HHAT: variants seen among roughly 807,000 people sequenced by gnomAD.
HHAT encodes the protein hedgehog acyltransferase.
In HHAT, 47 loss-of-function variants were observed where a neutral mutation model predicts 70.8. The observed-to-expected ratio is 0.66, with a 90% CI of 0.53 to 0.85. The LOEUF is 0.85. HHAT is among the 40% of genes least tolerant of loss of function. The pLI, the probability that HHAT is intolerant of heterozygous loss-of-function variation, is 0.00. For synonymous variants in HHAT, 228 were observed against 247.6 expected, an observed-to-expected ratio of 0.92 and a Z score of 0.74; for missense variants, 609 against 604.8, an observed-to-expected ratio of 1.01 and a Z score of -0.07.
chr1:210,394,929 G>A (rs1403089898), intron 4 of HHAT, among the ~76,000 whole-genome samples: 3 of 152,092 alleles, frequency 2.0e-5, no homozygotes, highest in South Asian at 2.1e-4. Context: ...CCAGGAAATG[G>A]GATGCAGTTG....
intron 3 of HHAT, among the ~76,000 whole-genome samples, chr1:210,379,526 C>T (rs1456683284): frequency 6.6e-6 from 1 of 152,204 alleles, no homozygotes; most frequent in Non-Finnish European, 1.5e-5. Context: ...TTTTTGTTAA[C>T]CGTGGGCTCA....
rs1041268226 is a variant in HHAT, at chr1:210,675,955, C to G, written c.*1576C>G. 1 of 152,060 alleles carries G rather than the reference C, an allele frequency of 6.6e-6. No homozygotes were observed. Among genetic ancestry groups the G allele is most frequent in the East Asian group, 1.9e-4 (1 of 5,188 alleles). 9.4% of individuals were successfully genotyped at this position (152,060 alleles called of 1,614,324 possible). A position where few individuals can be genotyped will look rare whatever the true frequency, so the allele number is the denominator to read the frequency against. On this transcript the variant is annotated 3_prime_UTR_variant, in exon 12 of 12. Coordinates refer to ENST00000261458, the MANE Select transcript of HHAT (RefSeq NM_018194.6). Reference sequence around the variant, plus strand: ...AGGGAGGAGTGAGCACCTAAATGAACGCAGTAAACCTTCATGGACCAACAG... The same window carrying G: ...AGGGAGGAGTGAGCACCTAAATGAAGGCAGTAAACCTTCATGGACCAACAG...
At chr1:210,652,581 C>G (rs1042535317) in intron 11 of HHAT, among the ~76,000 whole-genome samples, 11 of 152,312 alleles carry the variant, frequency 7.2e-5, no homozygotes, top group African/African-American at 2.6e-4. Context: ...TATGGAGGCT[C>G]CCGCAACTCA....
intron 6 of HHAT, among the ~76,000 whole-genome samples, chr1:210,410,447 G>GTTTT (rs34599460): frequency 1.7e-5 from 2 of 119,398 alleles, no homozygotes; most frequent in African/African-American, 5.9e-5. Flanking sequence ...AAAACCTTTT[G>GTTTT]TTTTTTTTTT....
intron 9 of HHAT, among the ~76,000 whole-genome samples, chr1:210,565,606 G>A (rs1050565293): frequency 6.6e-6 from 1 of 152,134 alleles, no homozygotes; most frequent in Non-Finnish European, 1.5e-5. Flanking sequence ...ATGACAGTGA[G>A]AGAGTTTGGA....
chr1:210,612,746 A>G (rs1012246165), intron 10 of HHAT, among the ~76,000 whole-genome samples: 2 of 152,154 alleles, frequency 1.3e-5, no homozygotes, highest in African/African-American at 4.8e-5. Context: ...TGGCTCTACC[A>G]TTTTACATTC....
At chr1:210,635,189 G>A (rs947793611) in intron 11 of HHAT, among the ~76,000 whole-genome samples, 3 of 152,094 alleles carry the variant, frequency 2.0e-5, no homozygotes, top group Admixed American at 6.6e-5. Flanking sequence ...GTCCAGACTC[G>A]GGGGATGGGG....
intron 11 of HHAT, among the ~76,000 whole-genome samples, chr1:210,661,562 A>C (rs1280560950): frequency 6.6e-6 from 1 of 152,240 alleles, no homozygotes; most frequent in Non-Finnish European, 1.5e-5. Context: ...TATATACCCA[A>C]AGGATTACAA....
At chr1:210,529,861 A>T (rs1440487126) in intron 9 of HHAT, among the ~76,000 whole-genome samples, 1 of 152,172 alleles carries the variant, frequency 6.6e-6, no homozygotes, top group African/African-American at 2.4e-5. Flanking sequence ...TTGCTGGCCC[A>T]CTCAGGTATT....
intron 6 of HHAT, among the ~76,000 whole-genome samples, chr1:210,415,993 T>C (rs1266360005): frequency 6.6e-6 from 1 of 152,100 alleles, no homozygotes; most frequent in African/African-American, 2.4e-5. Context: ...CAACAAGCTT[T>C]TCTGGGCATA....
chr1:210,671,615 CTG>C (rs1199194059), intron 11 of HHAT, among the ~76,000 whole-genome samples: 2 of 152,142 alleles, frequency 1.3e-5, no homozygotes, highest in Non-Finnish European at 2.9e-5. Flanking sequence ...GAAGAAGGCT[CTG>C]TGAAAATGGA....
At chr1:210,488,633 C>CT in intron 8 of HHAT, among the ~76,000 whole-genome samples, 2 of 152,326 alleles carry the variant, frequency 1.3e-5, no homozygotes, top group South Asian at 4.1e-4. Flanking sequence ...TGGCTAATGC[C>CT]TATAATCCTA....
intron 1 of HHAT, among the ~76,000 whole-genome samples, chr1:210,343,337 C>T (rs540280752): frequency 7.3e-4 from 110 of 151,508 alleles, no homozygotes; most frequent in African/African-American, 2.6e-3. Flanking sequence ...TGGCCCCTTC[C>T]TTTAAAATAG....
At chr1:210,638,425 AG>A (rs756188149) in intron 11 of HHAT, among the ~76,000 whole-genome samples, 4 of 152,240 alleles carry the variant, frequency 2.6e-5, no homozygotes, top group Non-Finnish European at 5.9e-5. Context: ...CCAGTCACAA[AG>A]GACCACATGT....
At chr1:210,336,320 G>T (rs548526808) in intron 1 of HHAT, among the ~76,000 whole-genome samples, 70 of 86,334 alleles carry the variant, frequency 8.1e-4, no homozygotes, top group African/African-American at 2.6e-3. Flanking sequence ...TAGAGACAGG[G>T]TCTTACCATG....
chr1:210,646,495 CA>C (rs1434331142), intron 11 of HHAT, among the ~76,000 whole-genome samples: 6 of 152,118 alleles, frequency 3.9e-5, no homozygotes, highest in African/African-American at 1.4e-4. Context: ...AAAGTCAAGA[CA>C]AAAGCCCGTA....
upstream of HHAT, chr1:210,328,280 G>A (rs999881118): frequency 6.6e-6 from 1 of 152,184 alleles, no homozygotes; most frequent in Non-Finnish European, 1.5e-5. Flanking sequence ...AGGCCTCCGA[G>A]CAGCAACATC....
At chr1:210,572,771 T>C (rs12085530) in intron 9 of HHAT, among the ~76,000 whole-genome samples, 39,519 of 151,732 alleles carry the variant, frequency 0.26, 5,235 homozygotes, top group African/African-American at 0.29. Flanking sequence ...GTGTGTGTAC[T>C]CGCGGTCCCA....
chr1:210,385,271 T>TC (rs2090961298), intron 3 of HHAT, among the ~76,000 whole-genome samples: 1 of 151,556 alleles, frequency 6.6e-6, no homozygotes, highest in South Asian at 2.1e-4. Flanking sequence ...TTTTTTTCTT[T>TC]TTGAGTTTGT....
Sources: gnomAD v4.1 joint callset for allele counts (sites outside exome capture counted in the v4.1 genomes callset) on GRCh38, gnomAD v4.1.1 for gene constraint, MANE v1.5 for transcripts, NCBI Gene and HGNC (gene_info 2026-07-23, HGNC 2026-07-21) for gene names.